Variants in FAM120A observed in about 807,000 individuals in gnomAD.
The protein encoded by FAM120A is family with sequence similarity 120 member A, also known as constitutive coactivator of PPAR-gamma-like protein 1.
Under a neutral mutation model 109.7 loss-of-function variants are expected in FAM120A, and 15 were observed. That is an observed-to-expected ratio of 0.14 (90% CI 0.09 to 0.21). The LOEUF is 0.21. FAM120A is among the 10% of genes least tolerant of loss of function. The probability of loss-of-function intolerance (pLI) is 1.00; values close to 1 mark genes in which losing one functional copy is unlikely to be tolerated. For synonymous variants in FAM120A, 493 were observed against 572.8 expected, an observed-to-expected ratio of 0.86 and a Z score of 1.99; for missense variants, 899 against 1,439.3, an observed-to-expected ratio of 0.62 and a Z score of 6.07.
At chr9:93,504,996 A>T (rs1450655488) in intron 5 of FAM120A, among the ~76,000 whole-genome samples, 1 of 136,516 alleles carries the variant, frequency 7.3e-6, no homozygotes, top group Non-Finnish European at 1.6e-5. Flanking sequence ...CTTTATGTTT[A>T]TGGGCCAGTA....
At chr9:93,514,558 G>A (rs1212666494) in intron 5 of FAM120A, among the ~76,000 whole-genome samples, 4 of 152,196 alleles carry the variant, frequency 2.6e-5, no homozygotes, top group Non-Finnish European at 4.4e-5. Flanking sequence ...TCAGCAGTGT[G>A]CATCTTACTT....
At chr9:93,484,596 C>T (rs1490775293) in intron 3 of FAM120A, among the ~76,000 whole-genome samples, 1 of 152,130 alleles carries the variant, frequency 6.6e-6, no homozygotes, top group East Asian at 1.9e-4. Flanking sequence ...TATTTTAAGA[C>T]AGAGTCTTGC....
At chr9:93,558,253 G>A (rs1407169157) in intron 14 of FAM120A, among the ~76,000 whole-genome samples, 1 of 152,240 alleles carries the variant, frequency 6.6e-6, no homozygotes, top group Non-Finnish European at 1.5e-5. Context: ...TGAAAACTCT[G>A]CTCACATTTT....
At chr9:93,539,285 C>T (rs1025013145) in intron 10 of FAM120A, among the ~76,000 whole-genome samples, 3 of 151,866 alleles carry the variant, frequency 2.0e-5, no homozygotes, top group African/African-American at 7.3e-5. Context: ...GCGTGAGCCA[C>T]CGCGCCTGGC....
intron 1 of FAM120A, among the ~76,000 whole-genome samples, chr9:93,470,518 C>A (rs983805040): frequency 5.3e-5 from 8 of 152,062 alleles, no homozygotes; most frequent in African/African-American, 1.9e-4. Context: ...TGATATAGAC[C>A]TAGTCTTGAC....
chr9:93,488,191 A>G (rs1329067020), intron 3 of FAM120A, among the ~76,000 whole-genome samples: 1 of 152,132 alleles, frequency 6.6e-6, no homozygotes, highest in Admixed American at 6.5e-5. Context: ...TCAGTTGTAA[A>G]TATGAACAGA....
chr9:93,459,009 A>T (rs1356031070), intron 1 of FAM120A, among the ~76,000 whole-genome samples: 2 of 152,200 alleles, frequency 1.3e-5, no homozygotes. Context: ...AGAAATATCC[A>T]GTTTCTGCTT....
At chr9:93,499,963 A>G (rs1353193244) in intron 5 of FAM120A, among the ~76,000 whole-genome samples, 1 of 152,190 alleles carries the variant, frequency 6.6e-6, no homozygotes, top group Non-Finnish European at 1.5e-5. Context: ...TTGGCTGCCT[A>G]TGTATGTGGC....
At chr9:93,543,670 C>T (rs1324188589) in intron 11 of FAM120A, among the ~76,000 whole-genome samples, 199 bp downstream of exon 11, 1 of 152,042 alleles carries the variant, frequency 6.6e-6, no homozygotes, top group Non-Finnish European at 1.5e-5. Context: ...TTATATGATA[C>T]AGTATGTTTA....
At chr9:93,457,104 A>T (rs546755944) in intron 1 of FAM120A, among the ~76,000 whole-genome samples, 37 of 152,332 alleles carry the variant, frequency 2.4e-4, no homozygotes, top group African/African-American at 8.4e-4. Flanking sequence ...TCCACTGTGT[A>T]TATGTACCAC....
intron 11 of FAM120A, 61 bp from the exon 12 acceptor site, chr9:93,550,515 CT>C: frequency 7.9e-7 from 1 of 1,258,932 alleles, no homozygotes; most frequent in East Asian, 2.3e-5. Context: ...TCCCACTGGA[CT>C]TGTCTATATG....
chr9:93,512,108 T>C (rs1400073676), intron 5 of FAM120A, among the ~76,000 whole-genome samples: 2 of 152,216 alleles, frequency 1.3e-5, no homozygotes, highest in African/African-American at 4.8e-5. Flanking sequence ...TTGTTTTGTT[T>C]TGTTTTTTGT....
intron 5 of FAM120A, among the ~76,000 whole-genome samples, chr9:93,501,705 T>A (rs908951314): frequency 2.0e-5 from 3 of 152,204 alleles, no homozygotes; most frequent in African/African-American, 7.2e-5. Context: ...ATGACGGGTA[T>A]GCAGTCTGGA....
intron 2 of FAM120A, among the ~76,000 whole-genome samples, chr9:93,474,718 C>T (rs149175701): frequency 4.6e-5 from 7 of 152,222 alleles, no homozygotes; most frequent in Non-Finnish European, 7.4e-5. Flanking sequence ...CTCAGCCTCC[C>T]GAGTAGCTGG....
intron 2 of FAM120A, among the ~76,000 whole-genome samples, chr9:93,475,239 A>G (rs1858498450): frequency 6.6e-6 from 1 of 152,180 alleles, no homozygotes; most frequent in South Asian, 2.1e-4. Flanking sequence ...AGGAAACAAC[A>G]TTTTGACCGC....
At chr9:93,493,727 C>A (rs551605082) in intron 3 of FAM120A, among the ~76,000 whole-genome samples, 2 of 152,330 alleles carry the variant, frequency 1.3e-5, no homozygotes, top group Admixed American at 1.3e-4. Flanking sequence ...TGCCTCCCTC[C>A]TGGGGGCCCA....
intron 12 of FAM120A, among the ~76,000 whole-genome samples, chr9:93,552,841 T>C (rs931302323): frequency 1.3e-5 from 2 of 152,254 alleles, no homozygotes; most frequent in Non-Finnish European, 2.9e-5. Context: ...TGTCTGGGCC[T>C]GCTACCCAGT....
rs1477182226 is a variant in FAM120A, at chr9:93,500,683, A to T, written c.1030+1797A>T. ...GATGTGTTTTAGGATTATTTTTGGA[A>T]AAGGGGGCACAGAGCATCAGCAGGA... On this transcript the variant is annotated intron_variant, in intron 5 of 17. Transcript: ENST00000277165. The surrounding 1 kb of genome is among the most constrained non-coding windows in gnomAD (Gnocchi z 4.6). Among the ~76,000 whole-genome samples the T allele has an allele frequency of 2.0e-5, 3 of 152,192 alleles. No homozygotes were observed. In the East Asian group the frequency reaches 5.8e-4, roughly 29 times the overall value.
chr9:93,519,523 G>A (rs1214323538), intron 7 of FAM120A, among the ~76,000 whole-genome samples: 1 of 151,974 alleles, frequency 6.6e-6, no homozygotes, highest in African/African-American at 2.4e-5. Context: ...GATTACAGGC[G>A]TGACCCACCG....
Sources: gnomAD v4.1 joint callset for allele counts (sites outside exome capture counted in the v4.1 genomes callset) on GRCh38, gnomAD v4.1.1 for gene constraint, Gnocchi (gnomAD v3.1) non-coding constraint, MANE v1.5 for transcripts, NCBI Gene and HGNC (gene_info 2026-07-23, HGNC 2026-07-21) for gene names.